CADM2: variants seen among roughly 807,000 people sequenced by gnomAD.
The protein encoded by CADM2 is cell adhesion molecule 2, also known as immunoglobulin superfamily member 4D.
In CADM2, 12 loss-of-function variants were observed where a neutral mutation model predicts 49.8. The ratio of observed to expected loss-of-function variants is 0.24; its 90% CI spans 0.15 to 0.39. CADM2 has a LOEUF of 0.39. CADM2 is among the 10% of genes least tolerant of loss of function. The pLI is 1.00. For synonymous variants in CADM2, 214 were observed against 175.4 expected (o/e 1.22, Z -1.74); for missense variants, 378 against 492.3 (o/e 0.77, Z 2.20).
At chr3:85,648,128 A>G (rs1337453940) in intron 1 of CADM2, among the ~76,000 whole-genome samples, 1 of 151,944 alleles carries the variant, frequency 6.6e-6, no homozygotes, top group East Asian at 1.9e-4. Context: ...GGTAATTGAC[A>G]GAGACAAAGC....
intron 8 of CADM2, among the ~76,000 whole-genome samples, chr3:85,972,071 T>C (rs1373027005): frequency 6.6e-6 from 1 of 151,614 alleles, no homozygotes; most frequent in Non-Finnish European, 1.5e-5. Flanking sequence ...CGTGTACTGG[T>C]GAGTTGGGAC....
At chr3:85,823,746 A>C (rs2073740962) in intron 3 of CADM2, among the ~76,000 whole-genome samples, 1 of 152,178 alleles carries the variant, frequency 6.6e-6, no homozygotes, top group Non-Finnish European at 1.5e-5. Flanking sequence ...AATAAGTAAC[A>C]GACTGTATCT....
intron 2 of CADM2, among the ~76,000 whole-genome samples, chr3:85,787,851 G>A (rs1053833410): frequency 6.6e-6 from 1 of 151,906 alleles, no homozygotes; most frequent in Non-Finnish European, 1.5e-5. Context: ...CCTCATCTTG[G>A]GCTATACCAT....
At chr3:85,073,908 T>A (rs551604155) in intron 1 of CADM2, among the ~76,000 whole-genome samples, 1 of 152,280 alleles carries the variant, frequency 6.6e-6, no homozygotes, top group South Asian at 2.1e-4. Context: ...AAATATATTT[T>A]AAAATGTTTC....
chr3:85,746,449 C>G (rs2068624113), intron 2 of CADM2, among the ~76,000 whole-genome samples: 1 of 152,116 alleles, frequency 6.6e-6, no homozygotes. Flanking sequence ...ATATTCTAAG[C>G]ACAAAAACAA....
chr3:85,954,854 T>G (rs1255163116), intron 7 of CADM2, among the ~76,000 whole-genome samples: 1 of 151,334 alleles, frequency 6.6e-6, no homozygotes, highest in African/African-American at 2.4e-5. Flanking sequence ...AAGTCTTTGC[T>G]TAAAGCAGAA....
chr3:85,594,049 G>T (rs2063179421), intron 1 of CADM2, among the ~76,000 whole-genome samples: 1 of 151,680 alleles, frequency 6.6e-6, no homozygotes. Context: ...TCATATCCTG[G>T]CTATTGCTGG....
intron 1 of CADM2, among the ~76,000 whole-genome samples, chr3:85,438,454 T>C (rs933643471): frequency 1.3e-5 from 2 of 152,116 alleles, no homozygotes; most frequent in East Asian, 1.9e-4. Flanking sequence ...ACCAAAGTTA[T>C]GGTTAGTGAT....
chr3:85,880,114 G>A (rs1351411227), intron 3 of CADM2, among the ~76,000 whole-genome samples: 2 of 152,112 alleles, frequency 1.3e-5, no homozygotes, highest in Non-Finnish European at 1.5e-5. Context: ...TATTTATAGA[G>A]TTTTTGAGTG....
intron 1 of CADM2, among the ~76,000 whole-genome samples, chr3:84,973,156 G>A (rs996324583): frequency 6.6e-5 from 10 of 152,080 alleles, no homozygotes; most frequent in Non-Finnish European, 8.8e-5. Flanking sequence ...CAGGTGATCC[G>A]CCAACCTCGG....
chr3:85,247,965 C>T (rs1296001422), intron 1 of CADM2, among the ~76,000 whole-genome samples: 1 of 151,978 alleles, frequency 6.6e-6, no homozygotes, highest in Non-Finnish European at 1.5e-5. Flanking sequence ...TTATTAAATT[C>T]AACCAAAAAT....
chr3:85,530,514 A>G (rs2061281573), intron 1 of CADM2, among the ~76,000 whole-genome samples: 1 of 151,844 alleles, frequency 6.6e-6, no homozygotes, highest in Non-Finnish European at 1.5e-5. Flanking sequence ...TATTTTCAGT[A>G]GAGACGGGGT....
intron 1 of CADM2, among the ~76,000 whole-genome samples, chr3:85,610,136 G>A (rs1281379081): frequency 6.6e-6 from 1 of 151,822 alleles, no homozygotes; most frequent in Non-Finnish European, 1.5e-5. Context: ...GAACCATAAG[G>A]ATCTATCTAT....
At chr3:85,900,924 C>G (rs1716030227) in intron 5 of CADM2, among the ~76,000 whole-genome samples, 1 of 152,186 alleles carries the variant, frequency 6.6e-6, no homozygotes, top group South Asian at 2.1e-4. Context: ...TAGCTTTTCC[C>G]ATTACCTTTG....
intron 5 of CADM2, among the ~76,000 whole-genome samples, chr3:85,894,797 G>A (rs560631656): frequency 6.6e-6 from 1 of 152,332 alleles, no homozygotes; most frequent in South Asian, 2.1e-4. Flanking sequence ...CTGCTTCAGA[G>A]GGTGCAAGTC....
chr3:85,968,278 G>A (rs193203334), intron 8 of CADM2, among the ~76,000 whole-genome samples: 32 of 151,740 alleles, frequency 2.1e-4, no homozygotes, highest in African/African-American at 7.2e-4. Flanking sequence ...ATATGCTGTT[G>A]AACTCTGCAG....
intron 1 of CADM2, among the ~76,000 whole-genome samples, chr3:85,695,232 A>G (rs936792459): frequency 2.0e-5 from 3 of 152,136 alleles, no homozygotes; most frequent in African/African-American, 7.2e-5. Context: ...TCCTGCTTAC[A>G]TGGATGAATT....
At chr3:85,979,654 A>G (rs1001584194) in intron 8 of CADM2, among the ~76,000 whole-genome samples, 2 of 151,656 alleles carry the variant, frequency 1.3e-5, no homozygotes, top group Non-Finnish European at 3.0e-5. Flanking sequence ...TTAAAATTCT[A>G]GTTTAATATT....
chr3:85,983,100 A>G (rs2108676179), intron 8 of CADM2, among the ~76,000 whole-genome samples: 1 of 151,852 alleles, frequency 6.6e-6, no homozygotes, highest in East Asian at 1.9e-4. Context: ...ATGATATGTT[A>G]AACCAATTTA....
Sources: allele counts gnomAD v4.1 joint callset (sites outside exome capture counted in the v4.1 genomes callset), GRCh38; gene constraint gnomAD v4.1.1; transcripts MANE v1.5; gene names NCBI Gene and HGNC (gene_info 2026-07-23, HGNC 2026-07-21).